Variants in JAKMIP1 observed in about 807,000 individuals in gnomAD.
JAKMIP1 encodes janus kinase and microtubule-interacting protein 1.
Under a neutral mutation model 113.0 loss-of-function variants are expected in JAKMIP1, and 33 were observed. That is an observed-to-expected ratio of 0.29 (90% confidence interval 0.22 to 0.39). JAKMIP1 has a LOEUF of 0.39. Among genes scored for constraint, JAKMIP1 ranks in the 10% least tolerant of loss-of-function variants. JAKMIP1 has a pLI of 1.00. For synonymous variants in JAKMIP1, 480 were observed against 459.9 expected (o/e 1.04, Z -0.56); for missense variants, 813 against 1,080.5 (o/e 0.75, Z 3.47).
rs1727535833 is a variant in JAKMIP1, at chr4:6,193,760, C to A, written c.-148+6493G>T. Among the ~76,000 whole-genome samples the A allele has an allele frequency of 6.6e-6, 1 of 152,154 alleles. No individual in the cohort carries two copies. Among genetic ancestry groups the A allele is most frequent in the Non-Finnish European group, 1.5e-5 (1 of 68,036 alleles). ...ACGATGCTGATCATGGGAGGCTGAA[C>A]TGATGCATTAGTGAGCAGGGGAGGA... On this transcript the variant is annotated intron_variant, in intron 1 of 20. Transcript: ENST00000409021. The surrounding 1 kb of genome is among the most constrained non-coding windows in gnomAD (Gnocchi z 6.4).
rs1012376698 is a variant in JAKMIP1 at position 6,080,875 on chromosome 4, T to A, written c.1102-563A>T. On this transcript the variant is annotated intron_variant, in intron 6 of 20. Transcript: ENST00000409021. This position sits in a 1 kb window ranked among gnomAD's most constrained non-coding sequence, Gnocchi z 6.0. ...AGGTGGGGCTGACCATGCACACTGC[T>A]GACAGGAAGGGATGCGCAGGGCCTG... Among the ~76,000 whole-genome samples, 1 of 151,958 alleles carries A rather than the reference T, an allele frequency of 6.6e-6. No homozygotes were observed. The highest frequency in any genetic ancestry group is 2.4e-5 in the African/African-American group (1 of 41,378).
At position 6,066,891 on chromosome 4, in the gene JAKMIP1, C is replaced by T. The variant is rs149641253; in HGVS notation, c.1303-1883G>A. On this transcript the variant is annotated intron_variant, in intron 8 of 20. Coordinates refer to ENST00000409021, the MANE Select transcript of JAKMIP1 (RefSeq NM_001099433.2). ...GGCATCATCCCTCCCTCTCCTCCTC[C>T]GCTCCAGGCTTCTGCACCCCACACA... 4.7e-3 allele frequency among the ~76,000 whole-genome samples: 714 copies of T among 152,168 alleles called. 3 individuals carry two copies. Among genetic ancestry groups the T allele is most frequent in the Non-Finnish European group, 7.9e-3 (539 of 67,990 alleles).
chr4:6,060,377 G>A (rs781190745), intron 11 of JAKMIP1, 47 bp downstream of exon 11: 3 of 1,431,012 alleles, frequency 2.1e-6, no homozygotes, highest in East Asian at 4.5e-5. Flanking sequence ...TACCACCAAG[G>A]GGACAGAAAG....
At chr4:6,148,110 G>A (rs1228321808) in intron 1 of JAKMIP1, among the ~76,000 whole-genome samples, 5 of 152,186 alleles carry the variant, frequency 3.3e-5, no homozygotes. Context: ...GTGAAAATTA[G>A]GCCTGATCTC....
At position 6,060,939 on chromosome 4, in the gene JAKMIP1, G is replaced by A. The variant is rs148056691; in HGVS notation, c.1561-432C>T. Among the ~76,000 whole-genome samples the A allele has an allele frequency of 1.0e-3, 156 of 152,300 alleles. 1 individual carries two copies. Among genetic ancestry groups the A allele is most frequent in the African/African-American group, 3.5e-3 (146 of 41,572 alleles). On this transcript the variant is annotated intron_variant, in intron 10 of 20. Coordinates refer to ENST00000409021, the MANE Select transcript of JAKMIP1 (RefSeq NM_001099433.2). ...CACAATTGCATAGCCCCTGGCCCAG[G>A]CCCCTTATCACCTGCAGCAGGAGCT...
At chr4:6,115,504 T>A (rs958532392) in intron 1 of JAKMIP1, among the ~76,000 whole-genome samples, 1 of 152,244 alleles carries the variant, frequency 6.6e-6, no homozygotes, top group African/African-American at 2.4e-5. Flanking sequence ...GTCACAAATA[T>A]GTGTTGAGCA....
At position 6,031,023 on chromosome 4, in the gene JAKMIP1, G is replaced by A. The variant is rs1712578952; in HGVS notation, c.2380-1242C>T. ...AATAGGACTCCATATGCCTGGGCCTGTTCCAGTCCTGGAGAGAAAGACAAA... is the reference window on the plus strand; with the variant it reads ...AATAGGACTCCATATGCCTGGGCCTATTCCAGTCCTGGAGAGAAAGACAAA... On this transcript the variant is annotated intron_variant, in intron 19 of 20. Coordinates refer to ENST00000409021, the MANE Select transcript of JAKMIP1 (RefSeq NM_001099433.2). The surrounding 1 kb of genome is among the most constrained non-coding windows in gnomAD (Gnocchi z 4.4). 6.6e-6 allele frequency among the ~76,000 whole-genome samples: 1 copy of A among 152,232 alleles called. No homozygotes were observed. The highest frequency in any genetic ancestry group is 2.1e-4 in the South Asian group (1 of 4,828).
In JAKMIP1 at chr4:6,190,202, T is replaced by TG. The variant is rs35029408; in HGVS notation, c.-148+10050dup. Among the ~76,000 whole-genome samples the TG allele has an allele frequency of 3.0e-3, 451 of 151,752 alleles. 1 individual carries two copies. The highest frequency in any genetic ancestry group is 0.01 in the African/African-American group (414 of 41,364). On this transcript the variant is annotated intron_variant, in intron 1 of 20. Coordinates refer to ENST00000409021, the MANE Select transcript of JAKMIP1 (RefSeq NM_001099433.2). ...TGGGAGCTGAATTGGGAGCAGGCCA[T>TG]GGGGGGGGCTGCAATGCCAGGCTAA...
At chr4:6,177,421 A>G (rs978581752) in intron 1 of JAKMIP1, among the ~76,000 whole-genome samples, 55 of 152,294 alleles carry the variant, frequency 3.6e-4, no homozygotes, top group African/African-American at 1.1e-3. Context: ...GTAAAGGTTT[A>G]TAAGCCACAT....
Position 6,065,283 on chromosome 4 carries a change from C to T in JAKMIP1, c.1303-275G>A, listed in dbSNP as rs115072014. ...CTGTAGACCTGTGCAAACCACTTGG[C>T]CCCTGGAGCACCAGCCTCCTTCTCT... On this transcript the variant is annotated intron_variant, in intron 8 of 20. Transcript: ENST00000409021. The surrounding 1 kb of genome is among the most constrained non-coding windows in gnomAD (Gnocchi z 5.1). Among the ~76,000 whole-genome samples the T allele has an allele frequency of 4.1e-4, 62 of 152,318 alleles. No individual in the cohort carries two copies. Among genetic ancestry groups the T allele is most frequent in the Middle Eastern group, 3.4e-3 (1 of 294 alleles).
intron 1 of JAKMIP1, 72 bp from the exon 2 acceptor site, chr4:6,113,069 C>G: frequency 1.5e-6 from 1 of 648,704 alleles, no homozygotes; most frequent in South Asian, 2.1e-5. Context: ...CTCGGGCACC[C>G]TGGGCCAGGC....
At chr4:6,163,429 T>G (rs1333035518) in intron 1 of JAKMIP1, among the ~76,000 whole-genome samples, 1 of 152,170 alleles carries the variant, frequency 6.6e-6, no homozygotes, top group Admixed American at 6.5e-5. Context: ...TACAGAGAAG[T>G]TAATGGATAA....
chr4:6,170,577 C>T (rs560451269), intron 1 of JAKMIP1, among the ~76,000 whole-genome samples: 23 of 151,320 alleles, frequency 1.5e-4, no homozygotes, highest in African/African-American at 5.6e-4. Context: ...CCATTGCCAC[C>T]ATTACACCCA....
chr4:6,079,013 A>G lies in JAKMIP1; in HGVS notation c.1243-15T>C, dbSNP rs1720106144. 6.2e-7 allele frequency: 1 copy of G among 1,614,010 alleles called. No individual in the cohort carries two copies. The highest frequency in any genetic ancestry group is 1.7e-5 in the Admixed American group (1 of 59,990). On this transcript the variant is annotated splice_polypyrimidine_tract_variant and intron_variant, in intron 7 of 20. Transcript: ENST00000409021. ...CGTTCTCTCTCCTAGAAGGAAACAC[A>G]ACGGTTGGCATTTCCAGCCAGCCTC... is the stretch of plus-strand genomic sequence containing the variant.
At position 6,184,514 on chromosome 4, in the gene JAKMIP1, A is replaced by T. The variant is rs1367945003; in HGVS notation, c.-148+15739T>A. On this transcript the variant is annotated intron_variant, in intron 1 of 20. Coordinates refer to ENST00000409021, the MANE Select transcript of JAKMIP1 (RefSeq NM_001099433.2). This position sits in a 1 kb window ranked among gnomAD's most constrained non-coding sequence, Gnocchi z 4.5. ...TGCCTTCCCTCTTCCTCAAGAAAAT[A>T]CTAGAAGCCAAGCACACCCTCCACC... Among the ~76,000 whole-genome samples, 1 of 152,160 alleles carries T rather than the reference A, an allele frequency of 6.6e-6. No individual in the cohort carries two copies. Among genetic ancestry groups the T allele is most frequent in the African/African-American group, 2.4e-5 (1 of 41,446 alleles).
At chr4:6,039,442 T>C (rs761122823) in intron 18 of JAKMIP1, among the ~76,000 whole-genome samples, 3 of 152,110 alleles carry the variant, frequency 2.0e-5, no homozygotes, top group Non-Finnish European at 4.4e-5. Context: ...GGACCCTAAG[T>C]TCCATCTAAA....
rs146354039 is a variant in JAKMIP1, at chr4:6,120,474, A to G, written c.-147-7477T>C. Among the ~76,000 whole-genome samples, 92 of 152,334 alleles carry G rather than the reference A, an allele frequency of 6.0e-4. 1 individual carries two copies. Among genetic ancestry groups the G allele is most frequent in the African/African-American group, 2.1e-3 (87 of 41,596 alleles). On this transcript the variant is annotated intron_variant, in intron 1 of 20. Coordinates refer to ENST00000409021, the MANE Select transcript of JAKMIP1 (RefSeq NM_001099433.2). Reference sequence around the variant, plus strand: ...GAAATAACCTCAGGACCCAAAAGTTATTGATGGCTGAATGAGCAAAGGCAC... The same window carrying G: ...GAAATAACCTCAGGACCCAAAAGTTGTTGATGGCTGAATGAGCAAAGGCAC...
In JAKMIP1 at chr4:6,135,182, C is replaced by T. The variant is rs1414476126; in HGVS notation, c.-147-22185G>A. ...ATTCTTATGTTGAATCCCCAACCCCCAGCACCTCAGGACTTCATGTTTGGA... is the reference window on the plus strand; with the variant it reads ...ATTCTTATGTTGAATCCCCAACCCCTAGCACCTCAGGACTTCATGTTTGGA... On this transcript the variant is annotated intron_variant, in intron 1 of 20. Transcript: ENST00000409021. This position sits in a 1 kb window ranked among gnomAD's most constrained non-coding sequence, Gnocchi z 4.9. Among the ~76,000 whole-genome samples the T allele has an allele frequency of 6.6e-6, 1 of 152,172 alleles. No individual in the cohort carries two copies. Among genetic ancestry groups the T allele is most frequent in the Non-Finnish European group, 1.5e-5 (1 of 68,040 alleles).
intron 1 of JAKMIP1, among the ~76,000 whole-genome samples, chr4:6,151,211 C>A (rs1224716457): frequency 6.6e-6 from 1 of 152,206 alleles, no homozygotes; most frequent in South Asian, 2.1e-4. Flanking sequence ...ATGTTCCATA[C>A]AGGACCTCAT....
Sources: gnomAD v4.1 joint callset for allele counts (sites outside exome capture counted in the v4.1 genomes callset) on GRCh38, gnomAD v4.1.1 for gene constraint, Gnocchi (gnomAD v3.1) non-coding constraint, MANE v1.5 for transcripts, NCBI Gene and HGNC (gene_info 2026-07-23, HGNC 2026-07-21) for gene names.